MBNL1: variants seen among roughly 807,000 people sequenced by gnomAD.
MBNL1 encodes the protein muscleblind-like protein 1.
In MBNL1, 8 loss-of-function variants were observed where a neutral mutation model predicts 42.2. That is an observed-to-expected ratio of 0.19 (90% CI 0.11 to 0.34). The LOEUF is 0.34. Ranked by LOEUF, MBNL1 falls within the 10% of genes least tolerant of loss-of-function variation. The pLI is 1.00. For synonymous variants in MBNL1, 169 were observed against 173.9 expected, an observed-to-expected ratio of 0.97 and a Z score of 0.22; for missense variants, 309 against 495.3, an observed-to-expected ratio of 0.62 and a Z score of 3.57.
intron 1 of MBNL1, among the ~76,000 whole-genome samples, chr3:152,283,648 A>G (rs532704940): frequency 6.6e-6 from 1 of 152,200 alleles, no homozygotes; most frequent in African/African-American, 2.4e-5. Context: ...TTACTAAAAA[A>G]GTGAAGGCTG....
chr3:152,460,201 C>T (rs1742666302), intron 9 of MBNL1, among the ~76,000 whole-genome samples: 1 of 151,410 alleles, frequency 6.6e-6, no homozygotes, highest in South Asian at 2.1e-4. Context: ...CTGCAATGAG[C>T]TGTGATTGCG....
intron 4 of MBNL1, among the ~76,000 whole-genome samples, chr3:152,440,209 G>T (rs1245922913): frequency 6.6e-6 from 1 of 152,108 alleles, no homozygotes; most frequent in African/African-American, 2.4e-5. Context: ...AGCTAAAGTA[G>T]GTGTCCTTTT....
chr3:152,340,915 T>C, intron 2 of MBNL1: 1 of 1,593,396 alleles, frequency 6.3e-7, no homozygotes, highest in Non-Finnish European at 8.5e-7. Context: ...TGTTCTCTTC[T>C]AATTCTCTCC....
intron 2 of MBNL1, among the ~76,000 whole-genome samples, chr3:152,250,022 C>G (rs1365613536): frequency 1.3e-5 from 2 of 149,896 alleles, no homozygotes; most frequent in East Asian, 3.9e-4. Context: ...GTTACTGTAG[C>G]CTTGTAGTAT....
At chr3:152,325,112 ATTTGTTTTTG>A (rs1361458192) in intron 2 of MBNL1, among the ~76,000 whole-genome samples, 5 of 46,390 alleles carry the variant, frequency 1.1e-4, no homozygotes, top group African/African-American at 2.9e-4. Flanking sequence ...CTTTTTTTTC[ATTTGTTTTTG>A]TTTGTTTTTT....
intron 4 of MBNL1, among the ~76,000 whole-genome samples, chr3:152,436,434 C>T (rs1392629716): frequency 2.0e-5 from 3 of 152,154 alleles, no homozygotes; most frequent in Admixed American, 6.5e-5. Context: ...TATTAATTAA[C>T]TAATGCTGTT....
chr3:152,267,717 T>G (rs1026673490), upstream of MBNL1: 36 of 152,166 alleles, frequency 2.4e-4, no homozygotes, highest in Admixed American at 2.2e-3. Flanking sequence ...ACTCAGTGCT[T>G]TGTGGATCTA....
intron 6 of MBNL1, among the ~76,000 whole-genome samples, chr3:152,451,384 C>G (rs944177787): frequency 6.6e-6 from 1 of 152,160 alleles, no homozygotes; most frequent in African/African-American, 2.4e-5. Context: ...ATACATCCAT[C>G]CATCCTCCTA....
At chr3:152,350,497 A>T (rs1423125506) in intron 2 of MBNL1, among the ~76,000 whole-genome samples, 2 of 152,166 alleles carry the variant, frequency 1.3e-5, no homozygotes, top group African/African-American at 4.8e-5. Flanking sequence ...GTTGTTGTAG[A>T]GCAGTGAGGG....
At chr3:152,260,529 A>AT (rs754476588) in intron 2 of MBNL1, among the ~76,000 whole-genome samples, 1 of 152,354 alleles carries the variant, frequency 6.6e-6, no homozygotes, top group East Asian at 1.9e-4. Context: ...TTGAATACAC[A>AT]TAATTACATG....
intron 2 of MBNL1, among the ~76,000 whole-genome samples, chr3:152,381,218 T>G (rs930464387): frequency 1.3e-5 from 2 of 151,990 alleles, no homozygotes; most frequent in African/African-American, 4.8e-5. Context: ...TATGAACACA[T>G]CTGGATTTGG....
chr3:152,375,557 T>G (rs1322624515), intron 2 of MBNL1, among the ~76,000 whole-genome samples: 4 of 152,208 alleles, frequency 2.6e-5, no homozygotes, highest in African/African-American at 9.6e-5. Context: ...AAGACCAGCC[T>G]GAGCAACATA....
intron 2 of MBNL1, among the ~76,000 whole-genome samples, chr3:152,305,674 AGC>A (rs2062739782): frequency 6.6e-6 from 1 of 152,170 alleles, no homozygotes; most frequent in East Asian, 1.9e-4. Flanking sequence ...CTTAAGTAAA[AGC>A]AACTGGAAAG....
At chr3:152,348,339 T>C (rs1380017492) in intron 2 of MBNL1, among the ~76,000 whole-genome samples, 2 of 152,110 alleles carry the variant, frequency 1.3e-5, no homozygotes, top group African/African-American at 4.8e-5. Flanking sequence ...CTAGTGGAAA[T>C]CAATGAGTGA....
At chr3:152,311,723 A>G (rs1322054639) in intron 2 of MBNL1, among the ~76,000 whole-genome samples, 1 of 151,886 alleles carries the variant, frequency 6.6e-6, no homozygotes, top group East Asian at 1.9e-4. Context: ...GACTTTTGTT[A>G]TATGTAATTG....
chr3:152,322,203 C>G (rs925442622), intron 2 of MBNL1, among the ~76,000 whole-genome samples: 32 of 151,956 alleles, frequency 2.1e-4, no homozygotes, highest in African/African-American at 7.7e-4. Flanking sequence ...TTTATAAGGC[C>G]GTGCCTTAGT....
At chr3:152,390,100 C>A (rs1035564633) in intron 2 of MBNL1, among the ~76,000 whole-genome samples, 9 of 151,526 alleles carry the variant, frequency 5.9e-5, no homozygotes, top group African/African-American at 2.2e-4. Flanking sequence ...GAACTCCTGA[C>A]CTTGTGATCC....
intron 2 of MBNL1, among the ~76,000 whole-genome samples, chr3:152,361,171 C>G (rs1044091982): frequency 1.3e-5 from 2 of 152,026 alleles, no homozygotes; most frequent in African/African-American, 4.8e-5. Context: ...CACCAGTTGT[C>G]TACTCTGTGC....
At chr3:152,347,451 T>A (rs988968227) in intron 2 of MBNL1, among the ~76,000 whole-genome samples, 1 of 152,120 alleles carries the variant, frequency 6.6e-6, no homozygotes, top group African/African-American at 2.4e-5. Flanking sequence ...TATTTTAAAT[T>A]TAGGTTTTAT....
Sources: gnomAD v4.1 joint callset for allele counts (sites outside exome capture counted in the v4.1 genomes callset) on GRCh38, gnomAD v4.1.1 for gene constraint, MANE v1.5 for transcripts, NCBI Gene and HGNC (gene_info 2026-07-23, HGNC 2026-07-21) for gene names.